CDH23: variants seen among roughly 807,000 people sequenced by gnomAD.
The protein encoded by CDH23 is cadherin-23.
CDH23 carries 189 observed loss-of-function variants against 317.1 expected under a neutral mutation model. The ratio of observed to expected loss-of-function variants is 0.60; its 90% CI spans 0.53 to 0.67. The LOEUF is 0.67. Ranked by LOEUF, CDH23 falls within the 30% of genes least tolerant of loss-of-function variation. The pLI is 0.00. For synonymous variants in CDH23, 1,839 were observed against 1,876.8 expected, an observed-to-expected ratio of 0.98 and a Z score of 0.52; for missense variants, 4,401 against 4,592.4, an observed-to-expected ratio of 0.96 and a Z score of 1.20.
Position 71,632,497 on chromosome 10 carries a change from G to T in CDH23, c.1135-11364G>T, listed in dbSNP as rs375858755. ...GGGCAATGACAGAGAGCACCGGTGG[G>T]TGGGGACTGGACGAGGGGTCAGGAC... On this transcript the variant is annotated intron_variant, in intron 11 of 69. Transcript: ENST00000224721. Among the ~76,000 whole-genome samples, 57 of 152,290 alleles carry T rather than the reference G, an allele frequency of 3.7e-4. 1 individual carries two copies. In the East Asian group the frequency reaches 8.1e-3, roughly 22 times the overall value.
intron 9 of CDH23, among the ~76,000 whole-genome samples, chr10:71,614,650 G>A (rs1005773687): frequency 3.3e-5 from 5 of 152,212 alleles, no homozygotes; most frequent in African/African-American, 1.2e-4. Context: ...GGACCAGAAA[G>A]GGCCAGCTAG....
chr10:71,525,161 C>T (rs1854961899), intron 6 of CDH23, among the ~76,000 whole-genome samples: 2 of 152,206 alleles, frequency 1.3e-5, no homozygotes, highest in South Asian at 2.1e-4. Context: ...CCCACCTCGG[C>T]CCCCCAAAGT....
At chr10:71,537,110 CTTCATGGG>C (rs1365618480) in intron 6 of CDH23, among the ~76,000 whole-genome samples, 1 of 152,102 alleles carries the variant, frequency 6.6e-6, no homozygotes, top group Non-Finnish European at 1.5e-5. Context: ...TTTTCCCAAC[CTTCATGGG>C]CCCATGGCTG....
Position 71,732,221 on chromosome 10 carries a change from C to T in CDH23, c.3950C>T (p.Ser1317Leu), listed in dbSNP as rs2132825485. 2 of 1,613,794 alleles carry T rather than the reference C, an allele frequency of 1.2e-6. No homozygotes were observed. Among genetic ancestry groups the T allele is most frequent in the Non-Finnish European group, 1.7e-6 (2 of 1,179,778 alleles). Reference protein sequence around the residue: ...LDEAVQFSNASYEAAILENLA... With the variant: ...LDEAVQFSNALYEAAILENLA... ...GAGGCCGTGCAGTTCTCCAATGCCT[C>T]ATACGAGGCTGCCATCCTGGAGAAT... The change falls in exon 32 of 70, where the codon TCA becomes TTA. Residue 1317 changes from serine (S) to leucine (L), a missense_variant. Transcript: ENST00000224721.
intron 38 of CDH23, among the ~76,000 whole-genome samples, chr10:71,758,489 C>G (rs1840207047): frequency 6.6e-6 from 1 of 152,204 alleles, no homozygotes; most frequent in Non-Finnish European, 1.5e-5. Context: ...GCCAGGCACC[C>G]TTAGGGCAGT....
At chr10:71,618,842 CGTGT>C (rs59138071) in intron 11 of CDH23, among the ~76,000 whole-genome samples, 7,186 of 151,610 alleles carry the variant, frequency 0.047, 207 homozygotes, top group South Asian at 0.088. Flanking sequence ...TGTGTGCACA[CGTGT>C]GTGTGTGTGT....
chr10:71,784,165 G>A lies in CDH23; in HGVS notation c.5369-122G>A, dbSNP rs954478465. 5.2e-5 allele frequency: 55 copies of A among 1,048,312 alleles called. 1 individual carries two copies. Among genetic ancestry groups the A allele is most frequent in the African/African-American group, 2.1e-4 (13 of 62,328 alleles). The allele number at this position is 1,048,312 out of a possible 1,614,324, so 64.9% of individuals were successfully genotyped here. ...TGAAGCTGGGGTCACTGGAGGACCC[G>A]GGCCCCAGCTGTCCCCCACCTGTGA... On this transcript the variant is annotated intron_variant, in intron 41 of 69. Coordinates refer to ENST00000224721, the MANE Select transcript of CDH23 (RefSeq NM_022124.6).
At chr10:71,436,225 CT>C (rs1246247671) in intron 1 of CDH23, among the ~76,000 whole-genome samples, 1 of 152,246 alleles carries the variant, frequency 6.6e-6, no homozygotes, top group African/African-American at 2.4e-5. Context: ...GCATCTACCC[CT>C]GACTGATGGA....
rs773412041 is a variant in CDH23 at position 71,811,506 on chromosome 10, C to T, written c.9199-5C>T. The T allele has an allele frequency of 2.6e-5, 42 of 1,613,862 alleles. No homozygotes were observed. Among genetic ancestry groups the T allele is most frequent in the South Asian group, 8.8e-5 (8 of 91,094 alleles). ...CCCGGGCTTACCCTGGTCCTGCTCC[C>T]GCAGATGGCGATCATCGTCCTGGCT... On this transcript the variant is annotated splice_polypyrimidine_tract_variant and splice_region_variant and intron_variant, in intron 63 of 69. Transcript: ENST00000224721.
At chr10:71,811,908 C>A (rs1382388259) in intron 65 of CDH23, 47 bp from the exon 66 acceptor site, 2 of 1,612,308 alleles carry the variant, frequency 1.2e-6, no homozygotes, top group Non-Finnish European at 1.7e-6. Context: ...CCACCCCTAC[C>A]CCTGGCTATG....
chr10:71,490,848 A>G (rs1211272553), intron 3 of CDH23, among the ~76,000 whole-genome samples: 2 of 152,132 alleles, frequency 1.3e-5, no homozygotes, highest in South Asian at 2.1e-4. Context: ...CAGGGAGGCA[A>G]AGTAACTTGT....
chr10:71,702,449 C>T (rs964037078), intron 23 of CDH23, 100 bp from the exon 24 acceptor site: 21 of 1,479,712 alleles, frequency 1.4e-5, no homozygotes, highest in Non-Finnish European at 1.8e-5. Context: ...ATGGAGGGCT[C>T]TGAATCTGCC....
intron 34 of CDH23, among the ~76,000 whole-genome samples, chr10:71,737,522 C>G (rs1189694470): frequency 6.6e-6 from 1 of 152,208 alleles, no homozygotes; most frequent in East Asian, 1.9e-4. Flanking sequence ...ATGGAATTTC[C>G]TCTGCAGCAT....
chr10:71,759,938 C>CGCACACACATATATAT (rs1840277051), intron 38 of CDH23, among the ~76,000 whole-genome samples: 1 of 108,322 alleles, frequency 9.2e-6, no homozygotes, highest in African/African-American at 3.5e-5. Flanking sequence ...CACATATATA[C>CGCACACACATATATAT]ACACACACAT....
At chr10:71,716,457 C>G in intron 28 of CDH23, 1 of 785,576 alleles carries the variant, frequency 1.3e-6, no homozygotes, top group Non-Finnish European at 2.0e-6. Flanking sequence ...TTAAACTGGA[C>G]AGCATCATGG....
intron 14 of CDH23, among the ~76,000 whole-genome samples, chr10:71,665,581 A>G (rs1863853584): frequency 6.6e-6 from 1 of 152,210 alleles, no homozygotes; most frequent in African/African-American, 2.4e-5. Context: ...TTAGGAGCCT[A>G]GTGACTGTCT....
At chr10:71,749,135 G>A (rs1225111836) in intron 38 of CDH23, 1 of 152,160 alleles carries the variant, frequency 6.6e-6, no homozygotes, top group Non-Finnish European at 1.5e-5. Context: ...CTGAGGGCTG[G>A]GGCCAGGCCA....
At chr10:71,404,827 C>T (rs934942012) in intron 1 of CDH23, among the ~76,000 whole-genome samples, 9 of 152,176 alleles carry the variant, frequency 5.9e-5, no homozygotes, top group African/African-American at 1.7e-4. Context: ...AGGCGGTTAG[C>T]GATATCACCT....
chr10:71,680,757 A>G (rs201920646), intron 17 of CDH23, among the ~76,000 whole-genome samples: 5,274 of 142,442 alleles, frequency 0.037, 349 homozygotes, highest in African/African-American at 0.085. Context: ...AAAAAAAAAA[A>G]AAAAAAGAAA....
Sources: allele counts gnomAD v4.1 joint callset (sites outside exome capture counted in the v4.1 genomes callset), GRCh38; gene constraint gnomAD v4.1.1; transcripts MANE v1.5; gene names NCBI Gene and HGNC (gene_info 2026-07-23, HGNC 2026-07-21).